The following CLBA1 variants were observed in gnomAD, a reference collection of about 807,000 sequenced individuals.
CLBA1 encodes uncharacterized protein CLBA1.
Under a neutral mutation model 28.8 loss-of-function variants are expected in CLBA1, and 30 were observed. The ratio of observed to expected loss-of-function variants is 1.04; its 90% confidence interval spans 0.78 to 1.41. The LOEUF (loss-of-function observed/expected upper bound fraction) is 1.41. CLBA1 is among the 40% of genes most tolerant of loss of function. The probability of loss-of-function intolerance (pLI) is 0.00; values close to 1 mark genes in which losing one functional copy is unlikely to be tolerated. For synonymous variants in CLBA1, 160 were observed against 152.8 expected (o/e 1.05, Z -0.35); for missense variants, 451 against 412.3 (o/e 1.09, Z -0.81).
chr14:104,997,653 C>T (rs1013939477), downstream of CLBA1, among the ~76,000 whole-genome samples: 6 of 152,160 alleles, frequency 3.9e-5, no homozygotes, highest in African/African-American at 7.2e-5. Context: ...AGGCCACGCA[C>T]GCACCCACAT....
chr14:104,989,105 A>G lies in CLBA1; in HGVS notation c.569+17A>G, dbSNP rs1899947999. The G allele has an allele frequency of 1.3e-6, 2 of 1,597,100 alleles. No individual in the cohort carries two copies. Among genetic ancestry groups the G allele is most frequent in the East Asian group, 4.5e-5 (2 of 44,680 alleles). On this transcript the variant is annotated intron_variant, in intron 2 of 4. Coordinates refer to ENST00000547315, the MANE Select transcript of CLBA1 (RefSeq NM_174891.4). ...TAAATTGTGGTAATGAACTGAAGAA[A>G]TATTTCTTACAGCAACTGCTTTTGT...
chr14:104,995,892 TG>T (rs1480818531), downstream of CLBA1, among the ~76,000 whole-genome samples: 3 of 152,156 alleles, frequency 2.0e-5, no homozygotes, highest in Non-Finnish European at 4.4e-5. Context: ...CAGGGGAAAG[TG>T]GGAATTTAGA....
rs754866898 is a variant in CLBA1, at chr14:104,992,983, T to C, written c.735T>C (p.Asp245=). Residue 245 remains aspartate (D), a synonymous_variant, in exon 4 of 5, where the codon GAT becomes GAC. Transcript: ENST00000547315. The part of the protein sequence containing the change: ...LSGGQGHIME[D]CDLKEPEGLL... ...GAGGCCAGGGCCACATCATGGAAGA[T>C]TGTGACCTCAAAGAGCCTGAAGGAC... 6 of 1,614,132 alleles carry C rather than the reference T, an allele frequency of 3.7e-6. No individual in the cohort carries two copies. Among genetic ancestry groups the C allele is most frequent in the South Asian group, 3.3e-5 (3 of 91,074 alleles).
intron 2 of CLBA1, chr14:104,989,802 C>T (rs1899969951): frequency 4.7e-6 from 2 of 426,812 alleles, no homozygotes; most frequent in South Asian, 1.6e-5. Context: ...AGTGGGTCTC[C>T]CAGCAGCCAG....
At chr14:104,991,228 G>A (rs549308221) in intron 2 of CLBA1, 4 of 304,732 alleles carry the variant, frequency 1.3e-5, no homozygotes, top group South Asian at 1.2e-4. Flanking sequence ...GTTTCACTAT[G>A]TTGGCCAGGC....
downstream of CLBA1, among the ~76,000 whole-genome samples, chr14:104,997,256 A>G (rs566675509): frequency 8.5e-5 from 13 of 152,342 alleles, no homozygotes; most frequent in South Asian, 2.5e-3. Flanking sequence ...TGGGTTTAAC[A>G]GCAGACTGGA....
At chr14:104,991,925 G>GCCACGCACATGCCA (rs1378807748) in intron 3 of CLBA1, among the ~76,000 whole-genome samples, 2 of 151,602 alleles carry the variant, frequency 1.3e-5, no homozygotes, top group East Asian at 1.9e-4. Flanking sequence ...CACTGCCGCC[G>GCCACGCACATGCCA]CCACGCACAT....
At chr14:105,000,249 T>C (rs1191167287), downstream of CLBA1, among the ~76,000 whole-genome samples, 4 of 151,466 alleles carry the variant, frequency 2.6e-5, no homozygotes, top group African/African-American at 9.7e-5. Context: ...ATTGAAAAAA[T>C]AGGAAAAGGA....
At position 104,987,866 on chromosome 14, in the gene CLBA1, A is replaced by G. The variant is rs1375480650; in HGVS notation, c.423+1012A>G. ...TTGCCAGGCTGGTCTTGAACTCCTGACCTCAGGTGATCCGCCCGCCTCGGC... is the reference window on the plus strand; with the variant it reads ...TTGCCAGGCTGGTCTTGAACTCCTGGCCTCAGGTGATCCGCCCGCCTCGGC... On this transcript the variant is annotated intron_variant, in intron 1 of 4. Coordinates refer to ENST00000547315, the MANE Select transcript of CLBA1 (RefSeq NM_174891.4). 9.3e-5 allele frequency among the ~76,000 whole-genome samples: 14 copies of G among 150,710 alleles called. No homozygotes were observed. The East Asian group carries it at 2.7e-3, about 29-fold the overall frequency.
In CLBA1 at chr14:104,995,114, A is replaced by C. The variant is rs958250262; in HGVS notation, c.*355A>C. On this transcript the variant is annotated 3_prime_UTR_variant, in exon 5 of 5. Transcript: ENST00000547315. ...CTTCTGGGCTGCTTAGTCCAGGGGG[A>C]GCAACTTGTGGCCAAATCCATGAGT... is the stretch of plus-strand genomic sequence containing the variant. 12 of 1,001,824 alleles carry C rather than the reference A, an allele frequency of 1.2e-5. No individual in the cohort carries two copies. In the African/African-American group the frequency reaches 2.1e-4, roughly 17 times the overall value. 62.1% of individuals were successfully genotyped at this position (1,001,824 alleles called of 1,614,324 possible). A position where few individuals can be genotyped will look rare whatever the true frequency, so the allele number is the denominator to read the frequency against.
At chr14:104,989,861 G>A (rs918867299) in intron 2 of CLBA1, 7 of 380,996 alleles carry the variant, frequency 1.8e-5, no homozygotes, top group African/African-American at 1.5e-4. Flanking sequence ...AGCAGGCCTG[G>A]ACTTTCAGAG....
At chr14:104,993,739 C>T (rs1900100072) in intron 4 of CLBA1, 1 of 985,318 alleles carries the variant, frequency 1.0e-6, no homozygotes, top group African/African-American at 1.7e-5. Context: ...CACCTGGTTT[C>T]CTGCTCACCC....
At chr14:104,992,813 G>A (rs548124308) in intron 3 of CLBA1, 135 bp from the exon 4 acceptor site, 35 of 798,854 alleles carry the variant, frequency 4.4e-5, no homozygotes, top group East Asian at 4.8e-5. Context: ...AGGGGAAACT[G>A]GTGCGCTGAC....
intron 3 of CLBA1, 38 bp from the exon 4 acceptor site, chr14:104,992,910 T>G: frequency 2.7e-6 from 4 of 1,484,708 alleles, no homozygotes; most frequent in Non-Finnish European, 3.8e-6. Context: ...GACAAAATGA[T>G]GACTGTACCG....
chr14:104,993,891 A>C, intron 4 of CLBA1: 1 of 985,412 alleles, frequency 1.0e-6, no homozygotes, highest in Non-Finnish European at 1.2e-6. Context: ...GCCTGGTAGG[A>C]GGTAACAAGG....
intron 1 of CLBA1, among the ~76,000 whole-genome samples, chr14:104,987,339 A>G (rs1899892187): frequency 6.6e-6 from 1 of 152,228 alleles, no homozygotes; most frequent in South Asian, 2.1e-4. Context: ...GGTGATGCCC[A>G]TTCCGACCTG....
intron 2 of CLBA1, among the ~76,000 whole-genome samples, chr14:105,000,825 G>A (rs10136591): frequency 0.074 from 11,218 of 152,038 alleles, 1,431 homozygotes; most frequent in African/African-American, 0.26. Flanking sequence ...CGCCGCTATG[G>A]AAAACAGTAT....
At chr14:104,990,102 C>A in intron 2 of CLBA1, 1 of 193,014 alleles carries the variant, frequency 5.2e-6, no homozygotes, top group South Asian at 1.0e-4. Flanking sequence ...TCCCAGCAAG[C>A]TGACGGTGGG....
rs756970261 is a variant in CLBA1, at chr14:104,994,603, G to C, written c.822G>C (p.Ser274=). The change falls in exon 5 of 5, where the codon TCG becomes TCC. Residue 274 remains serine (S), a synonymous_variant. Coordinates refer to ENST00000547315, the MANE Select transcript of CLBA1 (RefSeq NM_174891.4). ...CTGCTGTCCTCTCATCTCAGCTCTC[G>C]GGGCCGCCTGGCAGCAAACAGGGGA... ...HCKALIQTKL[S]GPPGSKQGRL... is the part of the protein sequence containing the mutation. 1 of 1,606,824 alleles carries C rather than the reference G, an allele frequency of 6.2e-7. No individual in the cohort carries two copies. The highest frequency in any genetic ancestry group is 8.5e-7 in the Non-Finnish European group (1 of 1,179,018).
Sources: allele counts gnomAD v4.1 joint callset (sites outside exome capture counted in the v4.1 genomes callset), GRCh38; gene constraint gnomAD v4.1.1; transcripts MANE v1.5; gene names NCBI Gene and HGNC (gene_info 2026-07-23, HGNC 2026-07-21).